ANKRD55: variants seen among roughly 807,000 people sequenced by gnomAD.
ANKRD55 encodes ankyrin repeat domain 55.
ANKRD55 carries 41 observed loss-of-function variants against 60.6 expected under a neutral mutation model. The ratio of observed to expected loss-of-function variants is 0.68; its 90% CI spans 0.53 to 0.88. The LOEUF (loss-of-function observed/expected upper bound fraction) is 0.88, where lower values mean the gene tolerates loss of function less well. ANKRD55 is among the 40% of genes least tolerant of loss of function. The pLI is 0.00. For missense variants in ANKRD55, 732 were observed against 767.6 expected (o/e 0.95, Z 0.55); for synonymous variants, 264 against 290.3 (o/e 0.91, Z 0.92).
rs376711821 is a variant in ANKRD55, at chr5:56,111,708, T to C, written c.1040A>G (p.Asn347Ser). ...QKKERRFNVL[N>S]QIFCKNKKEE... is the part of the protein sequence containing the mutation. ...TTTCTTGTTTTTGCAGAATATTTGG[T>C]TGAGCACGTTGAACCGTCTCTCCTT... Residue 347 changes from asparagine (N) to serine (S), a missense_variant, in exon 10 of 12, where the codon AAC (asparagine) becomes AGC (serine). Physicochemically the swap from Asn to Ser is conservative, Grantham distance 46. Around this residue, in one of 3 missense-constraint regions of ANKRD55, gnomAD observed 597 missense variants for 607.5 expected, o/e 0.98. Transcript: ENST00000341048. The C allele has an allele frequency of 2.6e-6, 4 of 1,521,998 alleles. No homozygotes were observed. The African/African-American group carries it at 4.2e-5, about 16-fold the overall frequency. 94.3% of individuals were successfully genotyped at this position (1,521,998 alleles called of 1,614,324 possible).
chr5:56,180,921 C>G (rs1350152161), intron 3 of ANKRD55, among the ~76,000 whole-genome samples: 2 of 152,088 alleles, frequency 1.3e-5, no homozygotes. Context: ...TGCTTTTGGC[C>G]GGGCCAGTGG....
chr5:56,099,964 G>C lies in ANKRD55; in HGVS notation c.*219C>G. On this transcript the variant is annotated 3_prime_UTR_variant, in exon 12 of 12. Coordinates refer to ENST00000341048, the MANE Select transcript of ANKRD55 (RefSeq NM_024669.3). ...TGTCTTTTAATTTTGGCATGTGGAA[G>C]TCACAGAAATTCACAGACTTAATAT... is the stretch of plus-strand genomic sequence containing the variant. 1.9e-6 allele frequency: 1 copy of C among 532,118 alleles called. No homozygotes were observed. 33.0% of individuals were successfully genotyped at this position (532,118 alleles called of 1,614,324 possible). A position where few individuals can be genotyped will look rare whatever the true frequency, so the allele number is the denominator to read the frequency against.
intron 2 of ANKRD55, among the ~76,000 whole-genome samples, chr5:56,201,289 T>G (rs186909013): frequency 3.5e-4 from 53 of 152,274 alleles, no homozygotes; most frequent in African/African-American, 1.2e-3. Flanking sequence ...CACGATGGCT[T>G]CATGGGACAA....
intron 2 of ANKRD55, chr5:56,193,384 C>A: frequency 1.5e-6 from 1 of 670,490 alleles, no homozygotes; most frequent in Non-Finnish European, 2.6e-6. Context: ...TAAAGGTTAT[C>A]TACCTAGAAC....
At chr5:56,128,421 C>T (rs977310467) in intron 7 of ANKRD55, among the ~76,000 whole-genome samples, 1 of 152,156 alleles carries the variant, frequency 6.6e-6, no homozygotes, top group Non-Finnish European at 1.5e-5. Flanking sequence ...CTTCTGGGAT[C>T]CTGCCAGCCA....
At chr5:56,135,042 T>C (rs1313940411) in intron 7 of ANKRD55, among the ~76,000 whole-genome samples, 1 of 152,058 alleles carries the variant, frequency 6.6e-6, no homozygotes, top group Non-Finnish European at 1.5e-5. Context: ...TTTGAGAAAA[T>C]CCACCACTTA....
chr5:56,227,437 T>C (rs931733764), intron 2 of ANKRD55, among the ~76,000 whole-genome samples: 2 of 152,062 alleles, frequency 1.3e-5, no homozygotes, highest in Non-Finnish European at 2.9e-5. Flanking sequence ...TGTATACATA[T>C]GTAACAAACC....
chr5:56,191,137 G>A (rs1323862241), intron 2 of ANKRD55, among the ~76,000 whole-genome samples: 1 of 152,174 alleles, frequency 6.6e-6, no homozygotes, highest in African/African-American at 2.4e-5. Context: ...TTGAAATCAG[G>A]AAGTGTGAAA....
intron 2 of ANKRD55, among the ~76,000 whole-genome samples, chr5:56,232,297 T>C (rs993790371): frequency 5.9e-5 from 9 of 152,176 alleles, no homozygotes; most frequent in African/African-American, 2.2e-4. Flanking sequence ...TACCCTGGCA[T>C]TGCAAATAAT....
chr5:56,115,249 C>T (rs1756853429), intron 9 of ANKRD55, among the ~76,000 whole-genome samples: 1 of 150,042 alleles, frequency 6.7e-6, no homozygotes, highest in Non-Finnish European at 1.5e-5. Context: ...AGCAAACCCC[C>T]AAACCAAAAA....
chr5:56,151,685 C>T (rs1012784024), intron 6 of ANKRD55, among the ~76,000 whole-genome samples: 3 of 151,758 alleles, frequency 2.0e-5, no homozygotes, highest in Non-Finnish European at 4.4e-5. Context: ...TGGTGGCAGG[C>T]ACCTGTAATC....
intron 6 of ANKRD55, among the ~76,000 whole-genome samples, chr5:56,153,283 C>T (rs1181197014): frequency 6.6e-6 from 1 of 152,078 alleles, no homozygotes; most frequent in Admixed American, 6.6e-5. Flanking sequence ...ACAACAACAA[C>T]AACAACGACA....
At chr5:56,195,390 T>C (rs1280124726) in intron 2 of ANKRD55, among the ~76,000 whole-genome samples, 1 of 152,236 alleles carries the variant, frequency 6.6e-6, no homozygotes, top group East Asian at 1.9e-4. Flanking sequence ...CCCTTATGTT[T>C]ATCATTATGC....
intron 2 of ANKRD55, among the ~76,000 whole-genome samples, chr5:56,219,167 G>A (rs971055295): frequency 6.6e-6 from 1 of 151,496 alleles, no homozygotes. Flanking sequence ...CAGCTATGTG[G>A]GAGGCTGGGG....
intron 3 of ANKRD55, among the ~76,000 whole-genome samples, chr5:56,183,017 A>G (rs1024160119): frequency 1.2e-4 from 18 of 152,174 alleles, no homozygotes; most frequent in Admixed American, 3.3e-4. Flanking sequence ...GCTCTGGGAG[A>G]GACAAGGCAA....
chr5:56,169,431 T>A (rs530219953), intron 5 of ANKRD55, among the ~76,000 whole-genome samples: 29 of 96,856 alleles, frequency 3.0e-4, no homozygotes, highest in African/African-American at 4.9e-4. Flanking sequence ...GGTCATTCTT[T>A]TTTTTTTTTT....
chr5:56,203,353 T>A (rs1307973537), intron 2 of ANKRD55, among the ~76,000 whole-genome samples: 3 of 152,150 alleles, frequency 2.0e-5, no homozygotes, highest in East Asian at 3.8e-4. Context: ...AATTTAATTT[T>A]ATTATTATTA....
intron 2 of ANKRD55, among the ~76,000 whole-genome samples, chr5:56,190,825 C>T (rs1365321345): frequency 6.6e-6 from 1 of 152,136 alleles, no homozygotes; most frequent in Non-Finnish European, 1.5e-5. Context: ...TAACTCACTC[C>T]TAATATAACA....
chr5:56,102,506 G>A lies in ANKRD55; in HGVS notation c.1711C>T (p.Pro571Ser). 9 of 1,611,704 alleles carry A rather than the reference G, an allele frequency of 5.6e-6. No homozygotes were observed. Among genetic ancestry groups the A allele is most frequent in the Non-Finnish European group, 7.6e-6 (9 of 1,178,108 alleles). ...TCATAATACTTACATTTTTGATCTG[G>A]TAGGGGAGCTAGGTTGTTCCGAGTG... ...PFTRNNLAPL[P>S]DQKFLSGEPL... Residue 571 changes from proline (P) to serine (S), a missense_variant, in exon 11 of 12, where the codon CCA becomes TCA. Physicochemically the swap from Pro to Ser is moderately conservative, Grantham distance 74. Transcript: ENST00000341048.
Sources: allele counts gnomAD v4.1 joint callset (sites outside exome capture counted in the v4.1 genomes callset), GRCh38; gene constraint gnomAD v4.1.1; regional missense constraint gnomAD v4.1.1; transcripts MANE v1.5; gene names NCBI Gene and HGNC (gene_info 2026-07-23, HGNC 2026-07-21).